Variants in CRYBB2 observed in about 807,000 individuals in gnomAD.
CRYBB2 encodes the protein beta-crystallin B2.
A neutral mutation model predicts 24.3 loss-of-function variants in CRYBB2; 12 were observed. That is an observed-to-expected ratio of 0.49 (90% CI 0.32 to 0.80). The LOEUF is 0.80. CRYBB2 is among the 30% of genes least tolerant of loss of function. The pLI, the probability that CRYBB2 is intolerant of heterozygous loss-of-function variation, is 0.04. For missense variants in CRYBB2, 198 were observed against 268.5 expected (o/e 0.74, Z 1.83); for synonymous variants, 98 against 101.6 (o/e 0.96, Z 0.21).
At position 25,231,633 on chromosome 22, in the gene CRYBB2, G is replaced by A. The variant is rs749837487; in HGVS notation, c.479G>A (p.Arg160His). 9.3e-6 allele frequency: 15 copies of A among 1,614,012 alleles called. No individual in the cohort carries two copies. The highest frequency in any genetic ancestry group is 6.7e-5 in the East Asian group (3 of 44,880). The change falls in exon 6 of 6, where the codon CGT (arginine) becomes CAT (histidine). Residue 160 changes from arginine (R) to histidine (H), a missense_variant. Physicochemically the swap from Arg to His is conservative, Grantham distance 29. Coordinates refer to ENST00000398215, the MANE Select transcript of CRYBB2 (RefSeq NM_000496.3). ...GTTGGCTACCAGTACCCCGGCTACC[G>A]TGGGCTGCAGTACCTGCTGGAGAAG... is the stretch of plus-strand genomic sequence containing the variant. ...TWVGYQYPGY[R>H]GLQYLLEKGD... is the part of the protein sequence containing the mutation.
chr22:25,231,557 T>G (rs1245161875), intron 5 of CRYBB2, 47 bp from the exon 6 acceptor site: 1 of 1,584,986 alleles, frequency 6.3e-7, no homozygotes, highest in Non-Finnish European at 8.7e-7. Flanking sequence ...TGTCTGCTTC[T>G]CTTCCTGTCC....
chr22:25,221,172 T>C (rs550971156), intron 1 of CRYBB2, among the ~76,000 whole-genome samples: 2 of 152,350 alleles, frequency 1.3e-5, no homozygotes, highest in African/African-American at 4.8e-5. Context: ...CTGCTCTCTT[T>C]CTTTGAGTAG....
intron 3 of CRYBB2, among the ~76,000 whole-genome samples, chr22:25,226,168 C>CTCTGTGTGTG (rs1018293238): frequency 2.0e-5 from 3 of 149,044 alleles, no homozygotes; most frequent in Non-Finnish European, 4.5e-5. Flanking sequence ...TTGGATTTCT[C>CTCTGTGTGTG]TGTGTGTGTG....
chr22:25,220,353 G>A (rs1601417599), intron 1 of CRYBB2, among the ~76,000 whole-genome samples: 1 of 152,210 alleles, frequency 6.6e-6, no homozygotes. Context: ...TGAGGCATAG[G>A]GAGAGGATGA....
At chr22:25,222,724 G>A (rs188146422) in intron 2 of CRYBB2, among the ~76,000 whole-genome samples, 1 of 152,268 alleles carries the variant, frequency 6.6e-6, no homozygotes, top group East Asian at 1.9e-4. Flanking sequence ...GAGCCACATA[G>A]GTAATGCAAA....
chr22:25,215,919 T>G (rs1290945208), upstream of CRYBB2, among the ~76,000 whole-genome samples: 1 of 152,228 alleles, frequency 6.6e-6, no homozygotes, highest in Non-Finnish European at 1.5e-5. Flanking sequence ...CTAGTCCTAC[T>G]ACTCACTAGC....
Position 25,227,845 on chromosome 22 carries a change from C to T in CRYBB2, c.174-8C>T. ...GACCTGCCCCCTTTCTCTCTGTCTC[C>T]ATGGCAGCTGGGTGGGCTATGAACA... On this transcript the variant is annotated splice_region_variant and splice_polypyrimidine_tract_variant and intron_variant, in intron 3 of 5. Coordinates refer to ENST00000398215, the MANE Select transcript of CRYBB2 (RefSeq NM_000496.3). 2 of 1,614,120 alleles carry T rather than the reference C, an allele frequency of 1.2e-6. No individual in the cohort carries two copies. The highest frequency in any genetic ancestry group is 1.7e-6 in the Non-Finnish European group (2 of 1,180,028).
At chr22:25,230,911 A>G (rs1347233801) in intron 5 of CRYBB2, among the ~76,000 whole-genome samples, 1 of 152,110 alleles carries the variant, frequency 6.6e-6, no homozygotes, top group East Asian at 1.9e-4. Flanking sequence ...TTGCAGGGGT[A>G]AAGAGGCCAA....
chr22:25,218,832 A>G (rs571493518), upstream of CRYBB2, among the ~76,000 whole-genome samples: 66 of 113,172 alleles, frequency 5.8e-4, no homozygotes, highest in South Asian at 0.012. Context: ...GAAAGAAAGA[A>G]AGAAAGAGAA....
chr22:25,222,775 G>C (rs1219269959), intron 2 of CRYBB2, among the ~76,000 whole-genome samples: 2 of 152,012 alleles, frequency 1.3e-5, no homozygotes, highest in African/African-American at 4.8e-5. Context: ...AAAGAAATAG[G>C]TGAAATTAAT....
At chr22:25,216,130 G>T (rs1935166678), upstream of CRYBB2, among the ~76,000 whole-genome samples, 1 of 148,106 alleles carries the variant, frequency 6.8e-6, no homozygotes, top group Admixed American at 6.9e-5. Context: ...TAAGGACACA[G>T]CCAGGTCTTG....
chr22:25,229,197 T>C (rs1935488556), intron 4 of CRYBB2, among the ~76,000 whole-genome samples: 1 of 152,050 alleles, frequency 6.6e-6, no homozygotes. Context: ...AAAATGACAT[T>C]TCAGAATCAA....
intron 3 of CRYBB2, among the ~76,000 whole-genome samples, chr22:25,226,995 G>A (rs1296275719): frequency 6.6e-6 from 1 of 152,178 alleles, no homozygotes; most frequent in Non-Finnish European, 1.5e-5. Flanking sequence ...GTTTTTTAAG[G>A]ACCAATTGCC....
upstream of CRYBB2, among the ~76,000 whole-genome samples, chr22:25,217,310 T>C (rs113373666): frequency 2.4e-4 from 37 of 151,816 alleles, 1 homozygote; most frequent in South Asian, 8.4e-4. Flanking sequence ...ATTTATTTTA[T>C]GTTATTTATT....
At chr22:25,213,980 T>C (rs1601413045) in intron 1 of CRYBB2, among the ~76,000 whole-genome samples, 3 of 152,266 alleles carry the variant, frequency 2.0e-5, no homozygotes, top group African/African-American at 7.2e-5. Flanking sequence ...GACTGAGCCA[T>C]GGCTCAGCTC....
chr22:25,228,989 TGG>T (rs369299834), intron 4 of CRYBB2, among the ~76,000 whole-genome samples: 1 of 148,458 alleles, frequency 6.7e-6, no homozygotes, highest in African/African-American at 2.5e-5. Flanking sequence ...CACGCATGTG[TGG>T]GTGTGCGTGT....
rs547778543 is a variant in CRYBB2, at chr22:25,229,545, A to C, written c.416A>C (p.Glu139Ala). 1 of 1,614,254 alleles carries C rather than the reference A, an allele frequency of 6.2e-7. No homozygotes were observed. The highest frequency in any genetic ancestry group is 2.2e-5 in the East Asian group (1 of 44,878). Residue 139 changes from glutamate to alanine, a missense_variant, in exon 5 of 6, where the codon GAG becomes GCG. Physicochemically the swap from Glu to Ala is moderately radical, Grantham distance 107. Coordinates refer to ENST00000398215, the MANE Select transcript of CRYBB2 (RefSeq NM_000496.3). ...AGCTTCCACGCCCATGGCTACCAGG[A>C]GAAGGTGTCATCTGTGCGGGTGCAG... The part of the protein sequence containing the change: ...VPSFHAHGYQ[E>A]KVSSVRVQSG...
At position 25,231,614 on chromosome 22, in the gene CRYBB2, T is replaced by C. The variant is rs754751963; in HGVS notation, c.460T>C (p.Tyr154His). 7.4e-6 allele frequency: 12 copies of C among 1,614,142 alleles called. No individual in the cohort carries two copies. Among genetic ancestry groups the C allele is most frequent in the Non-Finnish European group, 1.7e-6 (2 of 1,180,000 alleles). Residue 154 changes from tyrosine to histidine, a missense_variant, in exon 6 of 6, where the codon TAC (tyrosine) becomes CAC (histidine). Coordinates refer to ENST00000398215, the MANE Select transcript of CRYBB2 (RefSeq NM_000496.3). ...CCTCTGGCCCTGCAGGTGGGTTGGCTACCAGTACCCCGGCTACCGTGGGCT... is the reference window on the plus strand; with the variant it reads ...CCTCTGGCCCTGCAGGTGGGTTGGCCACCAGTACCCCGGCTACCGTGGGCT... Reference protein sequence around the residue: ...VRVQSGTWVGYQYPGYRGLQY... With the variant: ...VRVQSGTWVGHQYPGYRGLQY...
chr22:25,218,790 GAAAGA>G (rs1555888292), upstream of CRYBB2, among the ~76,000 whole-genome samples: 6 of 84,968 alleles, frequency 7.1e-5, 1 homozygote, highest in East Asian at 2.6e-3. Context: ...AAGAAAGAAA[GAAAGA>G]AAGAAAGAAA....
Sources: allele counts gnomAD v4.1 joint callset (sites outside exome capture counted in the v4.1 genomes callset), GRCh38; gene constraint gnomAD v4.1.1; transcripts MANE v1.5; gene names NCBI Gene and HGNC (gene_info 2026-07-23, HGNC 2026-07-21).